The following GALNT10 variants were observed in gnomAD, a reference collection of about 807,000 sequenced individuals.
GALNT10 encodes GalNAc transferase 10.
Under a neutral mutation model 75.0 loss-of-function variants are expected in GALNT10, and 41 were observed. The ratio of observed to expected loss-of-function variants is 0.55; its 90% confidence interval spans 0.43 to 0.71. The LOEUF is 0.71. Among genes scored for constraint, GALNT10 ranks in the 30% least tolerant of loss-of-function variants. The probability of loss-of-function intolerance (pLI) is 0.00; values close to 1 mark genes in which losing one functional copy is unlikely to be tolerated. For missense variants in GALNT10, 727 were observed against 818.5 expected, an observed-to-expected ratio of 0.89 and a Z score of 1.36; for synonymous variants, 302 against 313.0, an observed-to-expected ratio of 0.96 and a Z score of 0.37.
chr5:154,329,517 C>T (rs1754809544), intron 3 of GALNT10, 55 bp from the exon 4 acceptor site: 2 of 1,461,882 alleles, frequency 1.4e-6, no homozygotes, highest in Non-Finnish European at 1.9e-6. Context: ...CCTGAGTTCT[C>T]TTGGCAGGAG....
chr5:154,191,907 G>C (rs781367456), intron 1 of GALNT10, among the ~76,000 whole-genome samples: 2 of 152,198 alleles, frequency 1.3e-5, no homozygotes, highest in Non-Finnish European at 2.9e-5. Context: ...ACTTACCCAC[G>C]TATGTTTGTG....
At chr5:154,237,589 C>T (rs1753266083) in intron 1 of GALNT10, among the ~76,000 whole-genome samples, 1 of 152,174 alleles carries the variant, frequency 6.6e-6, no homozygotes, top group South Asian at 2.1e-4. Context: ...TTGGGAAATC[C>T]CTGCAGGATA....
intron 1 of GALNT10, among the ~76,000 whole-genome samples, chr5:154,230,524 A>C (rs540094256): frequency 6.6e-6 from 1 of 152,304 alleles, no homozygotes; most frequent in East Asian, 1.9e-4. Context: ...CCAAATCTGC[A>C]CCATAGGCTT....
In GALNT10 at chr5:154,417,022, A is replaced by T. The variant is rs182092077; in HGVS notation, c.*50A>T. 81 of 1,560,542 alleles carry T rather than the reference A, an allele frequency of 5.2e-5. No homozygotes were observed. Among genetic ancestry groups the T allele is most frequent in the Admixed American group, 2.4e-4 (14 of 59,146 alleles). On this transcript the variant is annotated 3_prime_UTR_variant, in exon 12 of 12. Coordinates refer to ENST00000297107, the MANE Select transcript of GALNT10 (RefSeq NM_198321.4). ...CCCCAGGGTCTGGCACTCACTGCAG[A>T]CTTCCTCTTTCAAGGGAGGCAGGGC... is the stretch of plus-strand genomic sequence containing the variant.
chr5:154,281,838 G>A (rs940730606), intron 1 of GALNT10, among the ~76,000 whole-genome samples: 1 of 152,178 alleles, frequency 6.6e-6, no homozygotes, highest in African/African-American at 2.4e-5. Flanking sequence ...GATGGCTTCA[G>A]CCATCCCTAG....
intron 1 of GALNT10, among the ~76,000 whole-genome samples, chr5:154,248,100 A>T (rs971339677): frequency 2.6e-5 from 4 of 152,208 alleles, no homozygotes; most frequent in African/African-American, 9.7e-5. Context: ...TTCTATTTAT[A>T]TGCTGGATTA....
chr5:154,316,984 A>G (rs1422458452), intron 3 of GALNT10, among the ~76,000 whole-genome samples: 1 of 152,186 alleles, frequency 6.6e-6, no homozygotes, highest in Non-Finnish European at 1.5e-5. Flanking sequence ...ACAGCCAGCT[A>G]CTTATCCCTC....
intron 1 of GALNT10, among the ~76,000 whole-genome samples, chr5:154,290,048 T>C (rs915645207): frequency 5.9e-5 from 9 of 152,056 alleles, no homozygotes; most frequent in African/African-American, 2.2e-4. Flanking sequence ...TTAAGGTTTT[T>C]GGATAGGATT....
intron 4 of GALNT10, among the ~76,000 whole-genome samples, chr5:154,358,608 A>C (rs1413422539): frequency 6.6e-6 from 1 of 152,000 alleles, no homozygotes; most frequent in Non-Finnish European, 1.5e-5. Flanking sequence ...TCTCCCACAC[A>C]CTGTGCTACC....
chr5:154,201,684 A>T (rs1421023555), intron 1 of GALNT10, among the ~76,000 whole-genome samples: 1 of 152,098 alleles, frequency 6.6e-6, no homozygotes, highest in Non-Finnish European at 1.5e-5. Context: ...TAATCCCAGC[A>T]CTTTGGGAGA....
chr5:154,320,367 G>C (rs1185752976), intron 3 of GALNT10, among the ~76,000 whole-genome samples: 1 of 152,158 alleles, frequency 6.6e-6, no homozygotes, highest in African/African-American at 2.4e-5. Flanking sequence ...CTAACTGCAG[G>C]CTGTGGGGCC....
intron 1 of GALNT10, among the ~76,000 whole-genome samples, chr5:154,279,504 T>C (rs1024652427): frequency 4.6e-5 from 7 of 152,060 alleles, no homozygotes; most frequent in Non-Finnish European, 8.8e-5. Context: ...GGTTTCACCA[T>C]GTTGGCCAGG....
intron 1 of GALNT10, among the ~76,000 whole-genome samples, chr5:154,224,283 C>T (rs1486857454): frequency 6.6e-6 from 1 of 152,194 alleles, no homozygotes; most frequent in Non-Finnish European, 1.5e-5. Flanking sequence ...GGTCATTAGC[C>T]ACAGAAATGG....
At chr5:154,359,831 C>T (rs530059923) in intron 4 of GALNT10, among the ~76,000 whole-genome samples, 1 of 151,560 alleles carries the variant, frequency 6.6e-6, no homozygotes, top group South Asian at 2.1e-4. Flanking sequence ...TCTCACTCTA[C>T]CCCATCTTCC....
intron 10 of GALNT10, 72 bp from the exon 11 acceptor site, chr5:154,415,711 A>G (rs1219023226): frequency 1.5e-6 from 2 of 1,344,206 alleles, no homozygotes; most frequent in Non-Finnish European, 9.9e-7. Context: ...TTTTTCCATA[A>G]TTTAAAAAAA....
At position 154,190,948 on chromosome 5, in the gene GALNT10, T is replaced by C. The variant is rs1250712577; in HGVS notation, c.82T>C (p.Trp28Arg). Residue 28 changes from tryptophan (W) to arginine (R), a missense_variant, in exon 1 of 12, where the codon TGG (tryptophan) becomes CGG (arginine). Coordinates refer to ENST00000297107, the MANE Select transcript of GALNT10 (RefSeq NM_198321.4). ...GGTCCTCCTGCCCAACGTGGGGCTT[T>C]GGGCGCTGTACCGCGAGCGGCAGCC... Reference protein sequence around the residue: ...ALVLLPNVGLWALYRERQPDG... With the variant: ...ALVLLPNVGLRALYRERQPDG... 3 of 1,510,864 alleles carry C rather than the reference T, an allele frequency of 2.0e-6. No homozygotes were observed. In the African/African-American group the frequency reaches 4.2e-5, roughly 21 times the overall value. 93.6% of individuals were successfully genotyped at this position (1,510,864 alleles called of 1,614,324 possible).
At chr5:154,259,073 C>A (rs915934101) in intron 1 of GALNT10, among the ~76,000 whole-genome samples, 2 of 152,078 alleles carry the variant, frequency 1.3e-5, no homozygotes, top group South Asian at 2.1e-4. Flanking sequence ...AACTTATATA[C>A]CGATTTTATT....
rs531568627 is a variant in GALNT10 at position 154,333,669 on chromosome 5, A to G, written c.568+3931A>G. On this transcript the variant is annotated intron_variant, in intron 4 of 11. Transcript: ENST00000297107. ...TCCAGAGAGCAAAAATATTAATTCA[A>G]TGTGGTGCCATACCCAATCCTAAAA... Among the ~76,000 whole-genome samples, 6 of 152,294 alleles carry G rather than the reference A, an allele frequency of 3.9e-5. No homozygotes were observed. The South Asian group carries it at 8.3e-4, about 21-fold the overall frequency.
intron 1 of GALNT10, among the ~76,000 whole-genome samples, chr5:154,197,551 A>G (rs987162821): frequency 3.3e-5 from 5 of 151,932 alleles, no homozygotes; most frequent in Non-Finnish European, 7.4e-5. Flanking sequence ...TGTAGATAGG[A>G]GAGAAAAGAA....
Sources: allele counts gnomAD v4.1 joint callset (sites outside exome capture counted in the v4.1 genomes callset), GRCh38; gene constraint gnomAD v4.1.1; transcripts MANE v1.5; gene names NCBI Gene and HGNC (gene_info 2026-07-23, HGNC 2026-07-21).